The following SEPTIN6 variants were observed in gnomAD, a reference collection of about 807,000 sequenced individuals.
SEPTIN6 encodes septin-6.
A neutral mutation model predicts 33.6 loss-of-function variants in SEPTIN6; 8 were observed. That is an observed-to-expected ratio of 0.24 (90% confidence interval 0.14 to 0.43). The LOEUF (loss-of-function observed/expected upper bound fraction) is 0.43, where lower values mean the gene tolerates loss of function less well. Among genes scored for constraint, SEPTIN6 ranks in the 20% least tolerant of loss-of-function variants. The pLI is 1.00. For synonymous variants in SEPTIN6, 131 were observed against 140.0 expected, an observed-to-expected ratio of 0.94 and a Z score of 0.45; for missense variants, 250 against 340.8, an observed-to-expected ratio of 0.73 and a Z score of 2.10.
At chrX:119,655,851 C>A (rs2054433701) in intron 3 of SEPTIN6, among the ~76,000 whole-genome samples, 1 of 112,352 alleles carries the variant, frequency 8.9e-6, no homozygotes, top group Admixed American at 9.4e-5. Context: ...TGAAGTTTAG[C>A]AGTTTCTTCA....
chrX:119,663,489 C>T lies in SEPTIN6; in HGVS notation c.334G>A (p.Glu112Lys). 1.0e-6 allele frequency: 1 copy of T among 998,636 alleles called. No homozygotes were observed. The highest frequency in any genetic ancestry group is 1.3e-6 in the Non-Finnish European group (1 of 746,186). 82.3% of individuals were successfully genotyped at this position (998,636 alleles called of 1,213,427 possible). The change falls in exon 3 of 11, where the codon GAG (glutamate) becomes AAG (lysine). Residue 112 changes from glutamate (E) to lysine (K), a missense_variant. Physicochemically the swap from Glu to Lys is moderately conservative, Grantham distance 56 (BLOSUM62 1). Coordinates refer to ENST00000394610, the MANE Select transcript of SEPTIN6 (RefSeq NM_145799.4). ...CCCCACCGCCTTCTTTACCTGTCCTCTTTGTTGATCTGGTCCCCAAAGCCA... is the reference window on the plus strand; with the variant it reads ...CCCCACCGCCTTCTTTACCTGTCCTTTTTGTTGATCTGGTCCCCAAAGCCA... ...TVGFGDQINK[E>K]DSYKPIVEFI...
chrX:119,635,612 T>C (rs1225800749), intron 7 of SEPTIN6, among the ~76,000 whole-genome samples: 2 of 111,044 alleles, frequency 1.8e-5, no homozygotes, highest in African/African-American at 6.6e-5. Context: ...AAGTGCTGCG[T>C]TGATATCAAA....
rs1396693377 is a variant in SEPTIN6 at position 119,618,972 on chromosome X, G to A, written c.*1121C>T. 1.0e-6 allele frequency: 1 copy of A among 971,330 alleles called. No individual in the cohort carries two copies. The highest frequency in any genetic ancestry group is 4.0e-5 in the East Asian group (1 of 24,697). The allele number at this position is 971,330 out of a possible 1,213,427, so 80.0% of individuals were successfully genotyped here. ...AGATGGGACCCATGATAAAAACTTA[G>A]GGCTGGAATATTTTTAAACTCTCAA... On this transcript the variant is annotated 3_prime_UTR_variant, in exon 11 of 11. Coordinates refer to ENST00000394610, the MANE Select transcript of SEPTIN6 (RefSeq NM_145799.4).
Position 119,619,258 on chromosome X carries a change from C to T in SEPTIN6, c.*835G>A. 3.4e-5 allele frequency: 28 copies of T among 816,623 alleles called. No homozygotes were observed. The highest frequency in any genetic ancestry group is 4.1e-5 in the Non-Finnish European group (28 of 678,300). 67.3% of individuals were successfully genotyped at this position (816,623 alleles called of 1,213,427 possible). A position where few individuals can be genotyped will look rare whatever the true frequency, so the allele number is the denominator to read the frequency against. On this transcript the variant is annotated 3_prime_UTR_variant, in exon 11 of 11. Coordinates refer to ENST00000394610, the MANE Select transcript of SEPTIN6 (RefSeq NM_145799.4). The stretch of plus-strand genomic sequence containing the variant: ...GTATGGAGCCCTTCCGGAAATTACC[C>T]CCCGAGATGCTGAAATACCTCACAA...
At chrX:119,616,552 G>A, downstream of SEPTIN6, 1 of 566,652 alleles carries the variant, frequency 1.8e-6, no homozygotes, top group South Asian at 2.3e-5. Flanking sequence ...CAGGAAGAGA[G>A]CTTCTTGCCT....
intron 1 of SEPTIN6, among the ~76,000 whole-genome samples, chrX:119,686,352 C>T (rs961363142): frequency 5.4e-5 from 6 of 112,009 alleles, no homozygotes; most frequent in Admixed American, 9.5e-5. Flanking sequence ...AGTTCTGCCC[C>T]GTTACCCCAG....
intron 7 of SEPTIN6, among the ~76,000 whole-genome samples, chrX:119,636,694 T>C (rs3848877): frequency 0.28 from 31,323 of 110,678 alleles, 3,562 homozygotes; most frequent in African/African-American, 0.42. Context: ...GCTTGGGGAT[T>C]CCCCCCAGCG....
chrX:119,683,278 C>A (rs1425841122), intron 1 of SEPTIN6, among the ~76,000 whole-genome samples: 1 of 111,614 alleles, frequency 9.0e-6, no homozygotes, highest in East Asian at 2.8e-4. Context: ...ACAACAACAA[C>A]AAAAATGCTA....
chrX:119,643,394 G>A (rs1403133220), intron 5 of SEPTIN6, among the ~76,000 whole-genome samples: 3 of 106,921 alleles, frequency 2.8e-5, no homozygotes, highest in South Asian at 4.1e-4. Flanking sequence ...CTCTGAGCTC[G>A]AGGAAAAAAA....
intron 1 of SEPTIN6, chrX:119,686,528 A>G: frequency 1.2e-6 from 1 of 810,339 alleles, no homozygotes; most frequent in Admixed American, 3.1e-5. Context: ...TAATGAGAAG[A>G]CACTGAAGAA....
intron 3 of SEPTIN6, among the ~76,000 whole-genome samples, chrX:119,660,968 G>A (rs762316771): frequency 1.0e-5 from 1 of 100,439 alleles, no homozygotes; most frequent in South Asian, 4.9e-4. Flanking sequence ...CTTGAACCCA[G>A]GAGGCGGAGG....
intron 10 of SEPTIN6, among the ~76,000 whole-genome samples, chrX:119,622,070 G>T (rs2053777976): frequency 9.0e-6 from 1 of 111,365 alleles, no homozygotes; most frequent in Non-Finnish European, 1.9e-5. Context: ...AAACACTTTG[G>T]AAAGTAATAA....
chrX:119,690,032 T>A (rs1341987503), intron 1 of SEPTIN6, among the ~76,000 whole-genome samples: 1 of 111,407 alleles, frequency 9.0e-6, no homozygotes, highest in Non-Finnish European at 1.9e-5. Flanking sequence ...CCCAGTCCGA[T>A]CACGAACGTT....
intron 1 of SEPTIN6, among the ~76,000 whole-genome samples, chrX:119,690,348 TACACACACACACACACAC>T (rs1196119691): frequency 4.0e-5 from 3 of 75,015 alleles, no homozygotes; most frequent in Non-Finnish European, 7.1e-5. Context: ...TACATACACA[TACACACACACACACACAC>T]ACACACACAC....
In SEPTIN6 at chrX:119,619,828, G is replaced by T; in HGVS notation, c.*265C>A. ...GGGGGGATGGCTGGGGGTGCTGGGA[G>T]GGGGACTGGGATGCAGGATGCATCT... is the stretch of plus-strand genomic sequence containing the variant. On this transcript the variant is annotated 3_prime_UTR_variant, in exon 11 of 11. Coordinates refer to ENST00000394610, the MANE Select transcript of SEPTIN6 (RefSeq NM_145799.4). 2 of 1,051,480 alleles carry T rather than the reference G, an allele frequency of 1.9e-6. No individual in the cohort carries two copies. The highest frequency in any genetic ancestry group is 2.5e-6 in the Non-Finnish European group (2 of 816,209). 86.7% of individuals were successfully genotyped at this position (1,051,480 alleles called of 1,213,427 possible). A position where few individuals can be genotyped will look rare whatever the true frequency, so the allele number is the denominator to read the frequency against.
At chrX:119,682,981 G>A (rs138087962) in intron 1 of SEPTIN6, among the ~76,000 whole-genome samples, 184 of 112,626 alleles carry the variant, frequency 1.6e-3, no homozygotes, top group Non-Finnish European at 3.1e-3. Flanking sequence ...GGCCAGGTAC[G>A]GTGGCTCATG....
rs2053679398 is a variant in SEPTIN6 at position 119,617,169 on chromosome X, T to C, written c.*2924A>G. ...GTGTGTTTCAGAAAAGCCACTCCAGTCTGGGAAAATAAAAGCACAGACCAT... is the reference window on the plus strand; with the variant it reads ...GTGTGTTTCAGAAAAGCCACTCCAGCCTGGGAAAATAAAAGCACAGACCAT... On this transcript the variant is annotated 3_prime_UTR_variant, in exon 11 of 11. Coordinates refer to ENST00000394610, the MANE Select transcript of SEPTIN6 (RefSeq NM_145799.4). 1 of 813,369 alleles carries C rather than the reference T, an allele frequency of 1.2e-6. No homozygotes were observed. The highest frequency in any genetic ancestry group is 7.1e-5 in the Admixed American group (1 of 13,990). 67.0% of individuals were successfully genotyped at this position (813,369 alleles called of 1,213,427 possible). A position where few individuals can be genotyped will look rare whatever the true frequency, so the allele number is the denominator to read the frequency against.
chrX:119,633,593 C>A (rs2054005037), intron 7 of SEPTIN6, 101 bp from the exon 8 acceptor site: 16 of 1,029,373 alleles, frequency 1.6e-5, no homozygotes, highest in Non-Finnish European at 1.8e-5. Flanking sequence ...CCTCCCTTCC[C>A]CAGTTGTGAG....
intron 2 of SEPTIN6, 90 bp from the exon 3 acceptor site, chrX:119,663,767 G>A (rs997636958): frequency 3.0e-5 from 22 of 723,305 alleles, no homozygotes; most frequent in Admixed American, 1.6e-4. Flanking sequence ...TTGTTGACAC[G>A]GGAAAATGAA....
Sources: allele counts gnomAD v4.1 joint callset (sites outside exome capture counted in the v4.1 genomes callset), GRCh38; gene constraint gnomAD v4.1.1; transcripts MANE v1.5; gene names NCBI Gene and HGNC (gene_info 2026-07-23, HGNC 2026-07-21).